Variants in SIN3B observed in about 807,000 individuals in gnomAD.
SIN3B encodes the protein paired amphipathic helix protein Sin3b.
In SIN3B, 19 loss-of-function variants were observed where a neutral mutation model predicts 120.2. The observed-to-expected ratio is 0.16, with a 90% CI of 0.11 to 0.23. SIN3B has a LOEUF of 0.23. SIN3B is among the 10% of genes least tolerant of loss of function. SIN3B has a pLI of 1.00. For missense variants in SIN3B, 1,073 were observed against 1,573.0 expected (o/e 0.68, Z 5.38); for synonymous variants, 654 against 653.2 (o/e 1.00, Z -0.02).
At chr19:16,871,598 T>G in intron 14 of SIN3B, 200 bp downstream of exon 14, 1 of 557,744 alleles carries the variant, frequency 1.8e-6, no homozygotes, top group Non-Finnish European at 3.1e-6. Flanking sequence ...TTCACAATAT[T>G]GTGCAACCAC....
intron 16 of SIN3B, 25 bp from the exon 17 acceptor site, chr19:16,877,520 G>C (rs1176565140): frequency 2.0e-5 from 32 of 1,562,182 alleles, no homozygotes; most frequent in Non-Finnish European, 2.8e-5. Flanking sequence ...GGGGCATCAC[G>C]GGCTGTGTCT....
intron 6 of SIN3B, 31 bp from the exon 7 acceptor site, chr19:16,853,038 A>G (rs1443676190): frequency 1.3e-6 from 2 of 1,582,408 alleles, no homozygotes; most frequent in Admixed American, 1.7e-5. Flanking sequence ...TGGGAGGCAC[A>G]GTGTTAACTG....
intron 8 of SIN3B, among the ~76,000 whole-genome samples, chr19:16,859,013 C>G (rs1245861853): frequency 6.6e-6 from 1 of 152,026 alleles, no homozygotes; most frequent in Non-Finnish European, 1.5e-5. Context: ...AGAAACTAGC[C>G]AGAAGTGGTG....
At chr19:16,836,356 A>G (rs1339722981) in intron 3 of SIN3B, among the ~76,000 whole-genome samples, 1 of 152,004 alleles carries the variant, frequency 6.6e-6, no homozygotes, top group Non-Finnish European at 1.5e-5. Flanking sequence ...ATTTGGAGGA[A>G]GGAACAGCTT....
At chr19:16,834,032 A>G (rs1971313871) in intron 3 of SIN3B, among the ~76,000 whole-genome samples, 1 of 152,080 alleles carries the variant, frequency 6.6e-6, no homozygotes, top group African/African-American at 2.4e-5. Flanking sequence ...GCTGAATCTC[A>G]GCTTTAAAGG....
chr19:16,870,546 G>A (rs1255485468), intron 13 of SIN3B, among the ~76,000 whole-genome samples: 1 of 151,904 alleles, frequency 6.6e-6, no homozygotes, highest in Admixed American at 6.6e-5. Context: ...CACCATGCCT[G>A]GCTCATTTTT....
chr19:16,840,715 C>G (rs1317173826), intron 3 of SIN3B, among the ~76,000 whole-genome samples: 3 of 152,186 alleles, frequency 2.0e-5, no homozygotes, highest in African/African-American at 7.2e-5. Context: ...ATCCGTTCAC[C>G]TGATCATCCC....
In SIN3B at chr19:16,862,954, G is replaced by T. The variant is rs761701383; in HGVS notation, c.1266+395G>T. 6 of 1,614,168 alleles carry T rather than the reference G, an allele frequency of 3.7e-6. No homozygotes were observed. The highest frequency in any genetic ancestry group is 5.1e-6 in the Non-Finnish European group (6 of 1,179,954). ...TGCATGTCCAAGTTCAAGAATACCT[G>T]CTGGATTCCAGGATATAGTGCAGGG... On this transcript the variant is annotated intron_variant, in intron 9 of 18. Coordinates refer to ENST00000248054, the MANE Select transcript of SIN3B (RefSeq NM_001297595.2). This position sits in a 1 kb window ranked among gnomAD's most constrained non-coding sequence, Gnocchi z 4.7.
In SIN3B at chr19:16,866,529, C is replaced by T. The variant is rs751351231; in HGVS notation, c.1779C>T (p.Leu593=). Residue 593 remains leucine (L), a synonymous_variant, in exon 12 of 19, where the codon CTC becomes CTT. Transcript: ENST00000248054. The part of the protein sequence containing the change: ...DTKALRSKSL[L]NEIESVYDEH... The stretch of plus-strand genomic sequence containing the variant: ...AGGCCCTGCGCTCCAAGAGCTTGCT[C>T]AACGAGATCGAGAGCGTCTACGACG... The T allele has an allele frequency of 9.3e-6, 15 of 1,613,798 alleles. No individual in the cohort carries two copies. The highest frequency in any genetic ancestry group is 1.2e-5 in the Non-Finnish European group (14 of 1,180,004).
Position 16,862,336 on chromosome 19 carries a change from G to A in SIN3B, c.1059-16G>A. 6.2e-7 allele frequency: 1 copy of A among 1,606,380 alleles called. No individual in the cohort carries two copies. Among genetic ancestry groups the A allele is most frequent in the African/African-American group, 1.3e-5 (1 of 74,910 alleles). On this transcript the variant is annotated splice_polypyrimidine_tract_variant and intron_variant, in intron 8 of 18. Transcript: ENST00000248054. The surrounding 1 kb of genome is among the most constrained non-coding windows in gnomAD (Gnocchi z 4.7). The stretch of plus-strand genomic sequence containing the variant: ...CCCTGGGGATGACCAGTTACCATGT[G>A]TCTTTATCTTTGAAGGAAATTTCCA...
chr19:16,835,984 G>A (rs2144576348), intron 3 of SIN3B, among the ~76,000 whole-genome samples: 1 of 152,226 alleles, frequency 6.6e-6, no homozygotes, highest in South Asian at 2.1e-4. Flanking sequence ...CTGTTTTGAA[G>A]TATCTTTTTC....
chr19:16,848,222 C>T (rs887214542), intron 5 of SIN3B, among the ~76,000 whole-genome samples: 1 of 152,184 alleles, frequency 6.6e-6, no homozygotes, highest in Non-Finnish European at 1.5e-5. Flanking sequence ...ATTTATTGCA[C>T]GGATTTGTTT....
intron 5 of SIN3B, among the ~76,000 whole-genome samples, chr19:16,849,947 C>T (rs1415841346): frequency 8.0e-5 from 12 of 149,358 alleles, no homozygotes; most frequent in Non-Finnish European, 1.0e-4. Flanking sequence ...CAGAGTGAGA[C>T]CTCCGTCTCA....
At chr19:16,856,545 CGAA>C (rs1971616844) in intron 8 of SIN3B, among the ~76,000 whole-genome samples, 2 of 151,534 alleles carry the variant, frequency 1.3e-5, no homozygotes, top group Admixed American at 1.3e-4. Context: ...CCTAAAGAAT[CGAA>C]GAGCATGGAG....
At chr19:16,875,138 G>C (rs1450214999) in intron 14 of SIN3B, among the ~76,000 whole-genome samples, 4 of 148,584 alleles carry the variant, frequency 2.7e-5, no homozygotes, top group South Asian at 4.3e-4. Flanking sequence ...GTTTGGTCTG[G>C]TCTGGTTTTG....
At chr19:16,835,401 G>A (rs965738374) in intron 3 of SIN3B, among the ~76,000 whole-genome samples, 8 of 150,142 alleles carry the variant, frequency 5.3e-5, no homozygotes, top group South Asian at 2.1e-4. Flanking sequence ...GCTAATTTTT[G>A]TATTTTTAGT....
At chr19:16,857,553 G>GTGTGTGTGTGTGTGTGTGTATA (rs66778532) in intron 8 of SIN3B, among the ~76,000 whole-genome samples, 1 of 139,446 alleles carries the variant, frequency 7.2e-6, no homozygotes, top group Non-Finnish European at 1.6e-5. Flanking sequence ...GTGTGTGTGT[G>GTGTGTGTGTGTGTGTGTGTATA]TATATATACA....
chr19:16,863,816 CG>C lies in SIN3B; in HGVS notation c.1383+23del, dbSNP rs1568422007. The stretch of plus-strand genomic sequence containing the variant: ...TTCGAGGTGTGTGTGCTGCTGTGGC[CG>C]GGTCCCCCGGCATGTGCCTGTTCCC... On this transcript the variant is annotated intron_variant, in intron 10 of 18. Coordinates refer to ENST00000248054, the MANE Select transcript of SIN3B (RefSeq NM_001297595.2). 1.3e-6 allele frequency: 2 copies of C among 1,566,464 alleles called. No homozygotes were observed. Among genetic ancestry groups the C allele is most frequent in the South Asian group, 2.2e-5 (2 of 90,006 alleles).
intron 4 of SIN3B, among the ~76,000 whole-genome samples, chr19:16,844,728 A>G (rs747476524): frequency 3.9e-5 from 6 of 152,270 alleles, no homozygotes; most frequent in Non-Finnish European, 7.3e-5. Flanking sequence ...CAGCGCCGTT[A>G]CGCGCATATT....
Sources: allele counts gnomAD v4.1 joint callset (sites outside exome capture counted in the v4.1 genomes callset), GRCh38; gene constraint gnomAD v4.1.1; non-coding constraint Gnocchi (gnomAD v3.1); transcripts MANE v1.5; gene names NCBI Gene and HGNC (gene_info 2026-07-23, HGNC 2026-07-21).